Variants in TLR4 observed in about 807,000 individuals in gnomAD.
The protein encoded by TLR4 is toll like receptor 4.
Under a neutral mutation model 27.4 loss-of-function variants are expected in TLR4, and 17 were observed. The observed-to-expected ratio is 0.62, with a 90% CI of 0.42 to 0.93. TLR4 has a LOEUF of 0.93. Ranked by LOEUF, TLR4 falls within the 40% of genes least tolerant of loss-of-function variation. TLR4 has a pLI of 0.00. For missense variants in TLR4, 926 were observed against 962.3 expected (o/e 0.96, Z 0.50); for synonymous variants, 363 against 365.7 (o/e 0.99, Z 0.08).
chr9:117,710,412 A>C (rs1228655610), intron 2 of TLR4, among the ~76,000 whole-genome samples: 1 of 150,934 alleles, frequency 6.6e-6, no homozygotes, highest in Non-Finnish European at 1.5e-5. Flanking sequence ...CCTGCATGAA[A>C]ATTTTGTCAA....
Position 117,714,576 on chromosome 9 carries a change from G to A in TLR4, c.2448G>A (p.Leu816=). 1 of 1,613,872 alleles carries A rather than the reference G, an allele frequency of 6.2e-7. No individual in the cohort carries two copies. The highest frequency in any genetic ancestry group is 8.5e-7 in the Non-Finnish European group (1 of 1,179,990). Residue 816 remains leucine, a synonymous_variant, in exon 3 of 3, where the codon CTG becomes CTA. Transcript: ENST00000355622. The part of the protein sequence containing the change: ...IFWRRLRKAL[L]DGKSWNPEGT... ...GGAGACGACTCAGAAAAGCCCTGCTGGATGGTAAATCATGGAATCCAGAAG... is the reference window on the plus strand; with the variant it reads ...GGAGACGACTCAGAAAAGCCCTGCTAGATGGTAAATCATGGAATCCAGAAG...
Position 117,721,306 on chromosome 9 carries a change from A to C in TLR4, c.*6658A>C, listed in dbSNP as rs1829420530. 1 of 152,084 alleles carries C rather than the reference A, an allele frequency of 6.6e-6. No homozygotes were observed. The highest frequency in any genetic ancestry group is 6.6e-5 in the Admixed American group (1 of 15,266). The allele number at this position is 152,084 out of a possible 1,614,324, so 9.4% of individuals were successfully genotyped here. On this transcript the variant is annotated 3_prime_UTR_variant, in exon 3 of 3. Coordinates refer to ENST00000355622, the MANE Select transcript of TLR4 (RefSeq NM_138554.5). Reference sequence around the variant, plus strand: ...CATGTCTACAAATTATTTAGTTTCCACTCATAAGTGAGAGCATGGATGGAA... The same window carrying C: ...CATGTCTACAAATTATTTAGTTTCCCCTCATAAGTGAGAGCATGGATGGAA...
chr9:117,710,318 A>G (rs1004545144), intron 2 of TLR4, among the ~76,000 whole-genome samples: 9 of 141,772 alleles, frequency 6.3e-5, no homozygotes, highest in Admixed American at 5.9e-4. Flanking sequence ...AACTCATGGT[A>G]TTTGGCTTTC....
chr9:117,707,084 A>C (rs1829146888), intron 1 of TLR4, among the ~76,000 whole-genome samples: 1 of 152,246 alleles, frequency 6.6e-6, no homozygotes, highest in Admixed American at 6.5e-5. Context: ...AATGGAATAC[A>C]GGAGATGAAC....
Position 117,712,685 on chromosome 9 carries a change from A to G in TLR4, c.557A>G (p.Lys186Arg). The G allele has an allele frequency of 6.2e-7, 1 of 1,614,114 alleles. No homozygotes were observed. Among genetic ancestry groups the G allele is most frequent in the Admixed American group, 1.7e-5 (1 of 60,002 alleles). The stretch of plus-strand genomic sequence containing the variant: ...GAGCACTTGGACCTTTCCAGCAACA[A>G]GATTCAAAGTATTTATTGCACAGAC... Reference protein sequence around the residue: ...NLEHLDLSSNKIQSIYCTDLR... With the variant: ...NLEHLDLSSNRIQSIYCTDLR... Residue 186 changes from lysine to arginine, a missense_variant, in exon 3 of 3, where the codon AAG (lysine) becomes AGG (arginine). Lys to Arg is a conservative substitution (Grantham distance 26). Coordinates refer to ENST00000355622, the MANE Select transcript of TLR4 (RefSeq NM_138554.5).
intron 1 of TLR4, chr9:117,708,159 G>A (rs1460666289): frequency 2.0e-6 from 2 of 1,012,160 alleles, no homozygotes; most frequent in East Asian, 9.0e-5. Context: ...GCTCACTGAG[G>A]TTTTTCTTTT....
chr9:117,704,902 T>C (rs1829111623), intron 1 of TLR4, among the ~76,000 whole-genome samples: 1 of 152,144 alleles, frequency 6.6e-6, no homozygotes, highest in Non-Finnish European at 1.5e-5. Flanking sequence ...AATACCTTCT[T>C]CACTAGAGAG....
In TLR4 at chr9:117,716,723, G is replaced by A. The variant is rs1829354707; in HGVS notation, c.*2075G>A. 1 of 152,154 alleles carries A rather than the reference G, an allele frequency of 6.6e-6. No homozygotes were observed. Among genetic ancestry groups the A allele is most frequent in the Non-Finnish European group, 1.5e-5 (1 of 68,034 alleles). 9.4% of individuals were successfully genotyped at this position (152,154 alleles called of 1,614,324 possible). On this transcript the variant is annotated 3_prime_UTR_variant, in exon 3 of 3. Transcript: ENST00000355622. ...TAAGAGGGTACCTCTCATGTTAAGT[G>A]TTCTTACCATATACATATACACAAG...
In TLR4 at chr9:117,718,143, A is replaced by G. The variant is rs188291454; in HGVS notation, c.*3495A>G. On this transcript the variant is annotated 3_prime_UTR_variant, in exon 3 of 3. Coordinates refer to ENST00000355622, the MANE Select transcript of TLR4 (RefSeq NM_138554.5). ...TCCATTTTATTGATGGGAAAGCTGA[A>G]GTTCAATGAAGTAAATTTTTCAATA... 37 of 152,296 alleles carry G rather than the reference A, an allele frequency of 2.4e-4. No homozygotes were observed. The highest frequency in any genetic ancestry group is 8.7e-4 in the African/African-American group (36 of 41,556). 9.4% of individuals were successfully genotyped at this position (152,296 alleles called of 1,614,324 possible).
rs200848571 is a variant in TLR4 at position 117,716,528 on chromosome 9, G to T, written c.*1880G>T. ...TAAAATAGTCAAACTCATAGAAGCA[G>T]AGAATAGAACAGTGGTTCCTAGGGA... On this transcript the variant is annotated 3_prime_UTR_variant, in exon 3 of 3. Coordinates refer to ENST00000355622, the MANE Select transcript of TLR4 (RefSeq NM_138554.5). The T allele has an allele frequency of 4.6e-5, 7 of 152,178 alleles. No individual in the cohort carries two copies. Among genetic ancestry groups the T allele is most frequent in the Non-Finnish European group, 7.3e-5 (5 of 68,028 alleles). The allele number at this position is 152,178 out of a possible 1,614,324, so 9.4% of individuals were successfully genotyped here.
rs201792813 is a variant in TLR4 at position 117,714,083 on chromosome 9, A to G, written c.1955A>G (p.Tyr652Cys). 1.5e-4 allele frequency: 236 copies of G among 1,614,076 alleles called. No homozygotes were observed. Among genetic ancestry groups the G allele is most frequent in the Non-Finnish European group, 1.8e-4 (218 of 1,180,004 alleles). The change falls in exon 3 of 3, where the codon TAT becomes TGT. Residue 652 changes from tyrosine to cysteine, a missense_variant. Tyr to Cys is a radical substitution (Grantham distance 194). Coordinates refer to ENST00000355622, the MANE Select transcript of TLR4 (RefSeq NM_138554.5). ...GTATCTGTTGTAGCAGTTCTGGTCT[A>G]TAAGTTCTATTTTCACCTGATGCTT... is the stretch of plus-strand genomic sequence containing the variant. ...LVVSVVAVLVYKFYFHLMLLA... is the reference protein window; with the variant it reads ...LVVSVVAVLVCKFYFHLMLLA...
chr9:117,708,513 T>C, intron 1 of TLR4, 50 bp from the exon 2 acceptor site: 1 of 1,612,114 alleles, frequency 6.2e-7, no homozygotes, highest in Non-Finnish European at 8.5e-7. Context: ...GAGAGGGGAG[T>C]TGGGAGACCA....
rs1829397972 is a variant in TLR4, at chr9:117,719,456, A to T, written c.*4808A>T. ...AGCACCCTGCTCTCACAAAATGCAT[A>T]AAACTTCCTATCTCACCATTATAAT... On this transcript the variant is annotated 3_prime_UTR_variant, in exon 3 of 3. Transcript: ENST00000355622. 1 of 152,190 alleles carries T rather than the reference A, an allele frequency of 6.6e-6. No individual in the cohort carries two copies. The highest frequency in any genetic ancestry group is 2.4e-5 in the African/African-American group (1 of 41,460). 9.4% of individuals were successfully genotyped at this position (152,190 alleles called of 1,614,324 possible). A position where few individuals can be genotyped will look rare whatever the true frequency, so the allele number is the denominator to read the frequency against.
At chr9:117,705,230 C>T (rs534077251) in intron 1 of TLR4, among the ~76,000 whole-genome samples, 9 of 152,248 alleles carry the variant, frequency 5.9e-5, no homozygotes, top group African/African-American at 1.9e-4. Context: ...TAATCTTATT[C>T]ATGATGGATC....
intron 2 of TLR4, among the ~76,000 whole-genome samples, chr9:117,709,440 G>A (rs1343690631): frequency 6.6e-6 from 1 of 152,052 alleles, no homozygotes; most frequent in African/African-American, 2.4e-5. Flanking sequence ...AAGATTAAAG[G>A]AAAACATCTG....
Position 117,713,102 on chromosome 9 carries a change from A to G in TLR4, c.974A>G (p.Asp325Gly). 1 of 1,612,520 alleles carries G rather than the reference A, an allele frequency of 6.2e-7. No homozygotes were observed. The highest frequency in any genetic ancestry group is 8.5e-7 in the Non-Finnish European group (1 of 1,178,998). Residue 325 changes from aspartate to glycine, a missense_variant, in exon 3 of 3, where the codon GAC (aspartate) becomes GGC (glycine). By Grantham distance (94) the Asp-to-Gly change is moderately conservative. Transcript: ENST00000355622. The part of the protein sequence containing the change: ...LVSVTIERVK[D>G]FSYNFGWQHL... ...AGTGTGACTATTGAAAGGGTAAAAG[A>G]CTTTTCTTATAATTTCGGATGGCAA...
chr9:117,711,080 A>G (rs1179143617), intron 2 of TLR4, among the ~76,000 whole-genome samples: 1 of 152,180 alleles, frequency 6.6e-6, no homozygotes, highest in African/African-American at 2.4e-5. Flanking sequence ...TGATAACTAA[A>G]ACCTAGAGAG....
intron 2 of TLR4, among the ~76,000 whole-genome samples, chr9:117,710,441 C>T (rs1829212508): frequency 1.3e-5 from 2 of 151,078 alleles, no homozygotes; most frequent in South Asian, 2.1e-4. Context: ...TTAAGGTAGA[C>T]CACCTCTCCC....
At chr9:117,705,069 C>T (rs1199458360) in intron 1 of TLR4, among the ~76,000 whole-genome samples, 1 of 150,690 alleles carries the variant, frequency 6.6e-6, no homozygotes, top group Non-Finnish European at 1.5e-5. Flanking sequence ...CTTCTGTATG[C>T]AGTAATATAG....
Sources: allele counts gnomAD v4.1 joint callset (sites outside exome capture counted in the v4.1 genomes callset), GRCh38; gene constraint gnomAD v4.1.1; transcripts MANE v1.5; gene names NCBI Gene and HGNC (gene_info 2026-07-23, HGNC 2026-07-21).